Variants in DYSF observed in about 807,000 individuals in gnomAD.
DYSF encodes the protein dystrophy-associated fer-1-like 1.
In DYSF, 212 loss-of-function variants were observed where a neutral mutation model predicts 274.9. That is an observed-to-expected ratio of 0.77 (90% CI 0.69 to 0.86). The LOEUF (loss-of-function observed/expected upper bound fraction) is 0.86, where lower values mean the gene tolerates loss of function less well. Ranked by LOEUF, DYSF falls within the 40% of genes least tolerant of loss-of-function variation. DYSF has a pLI of 0.00. For missense variants in DYSF, 2,666 were observed against 2,783.2 expected, an observed-to-expected ratio of 0.96 and a Z score of 0.95; for synonymous variants, 1,091 against 1,078.7, an observed-to-expected ratio of 1.01 and a Z score of -0.22.
At chr2:71,529,569 G>A (rs77120418) in intron 14 of DYSF, among the ~76,000 whole-genome samples, 249 of 152,346 alleles carry the variant, frequency 1.6e-3, no homozygotes, top group African/African-American at 5.8e-3. Flanking sequence ...CATAATGTCA[G>A]GTTGTCCCAT....
intron 24 of DYSF, among the ~76,000 whole-genome samples, chr2:71,565,246 C>CTTT (rs796705736): frequency 5.5e-4 from 72 of 131,338 alleles, no homozygotes; most frequent in African/African-American, 2.0e-3. Flanking sequence ...CCACCCAGCT[C>CTTT]TTTTTTTTTT....
chr2:71,599,692 C>T (rs903649925), intron 33 of DYSF, among the ~76,000 whole-genome samples: 3 of 152,194 alleles, frequency 2.0e-5, no homozygotes, highest in Non-Finnish European at 4.4e-5. Context: ...TAAAGAGGCC[C>T]GGCCTGCGCT....
rs780129376 is a variant in DYSF, at chr2:71,567,990, C to T, written c.2605C>T (p.Gln869Ter). The change falls in exon 25 of 56, where the codon CAG becomes TAG. Residue 869 changes from glutamine (Q) to a stop codon, truncating the protein, a stop_gained. Coordinates refer to ENST00000410020, the MANE Select transcript of DYSF (RefSeq NM_001130987.2). LOFTEE classifies it high-confidence loss of function. ...EKVPGARMPV[Q>*]IRVKLWFGLS... Reference sequence around the variant, plus strand: ...GGTGCCTGGCGCCCGGATGCCAGTGCAGATACGGGTCAAGCTGTGGTTTGG... The same window carrying T: ...GGTGCCTGGCGCCCGGATGCCAGTGTAGATACGGGTCAAGCTGTGGTTTGG... The T allele has an allele frequency of 6.2e-7, 1 of 1,614,114 alleles. No homozygotes were observed. The highest frequency in any genetic ancestry group is 8.5e-7 in the Non-Finnish European group (1 of 1,180,022).
chr2:71,610,508 T>C (rs925918329), intron 36 of DYSF, among the ~76,000 whole-genome samples: 10 of 152,208 alleles, frequency 6.6e-5, no homozygotes, highest in African/African-American at 2.4e-4. Flanking sequence ...TGCTTCCTCA[T>C]GTAGTTCTTT....
At chr2:71,623,886 T>C (rs1454055182) in intron 41 of DYSF, among the ~76,000 whole-genome samples, 1 of 151,960 alleles carries the variant, frequency 6.6e-6, no homozygotes, top group Non-Finnish European at 1.5e-5. Context: ...CTGGGCAGCA[T>C]AGTGAAACCC....
At chr2:71,535,358 GC>G (rs779018752) in intron 16 of DYSF, 47 bp downstream of exon 16, 1 of 1,560,460 alleles carries the variant, frequency 6.4e-7, no homozygotes, top group South Asian at 1.1e-5. Flanking sequence ...TCCTGAGGGG[GC>G]GCTGGGTCCC....
At chr2:71,662,040 CAG>C (rs1262744079) in intron 45 of DYSF, among the ~76,000 whole-genome samples, 1 of 152,114 alleles carries the variant, frequency 6.6e-6, no homozygotes, top group Non-Finnish European at 1.5e-5. Context: ...TGTCAGGACT[CAG>C]GGGAGATAGG....
chr2:71,682,714 T>G (rs2095311091), intron 55 of DYSF, 37 bp downstream of exon 55: 1 of 1,597,426 alleles, frequency 6.3e-7, no homozygotes, highest in Non-Finnish European at 8.5e-7. Context: ...GGGGGAACTC[T>G]GGGTCTAATG....
At chr2:71,660,480 T>A (rs1248549319) in intron 44 of DYSF, 80 bp from the exon 45 acceptor site, 1 of 1,252,160 alleles carries the variant, frequency 8.0e-7, no homozygotes, top group African/African-American at 1.5e-5. Context: ...CCTCATCCCA[T>A]CCAGAGGCAA....
chr2:71,472,249 T>C (rs571512678), intron 1 of DYSF, among the ~76,000 whole-genome samples: 12 of 152,344 alleles, frequency 7.9e-5, no homozygotes, highest in Admixed American at 2.0e-4. Context: ...GATGAATTGC[T>C]ATGTCAGAGG....
chr2:71,635,401 T>G (rs1202661023), intron 41 of DYSF, among the ~76,000 whole-genome samples: 1 of 152,186 alleles, frequency 6.6e-6, no homozygotes, highest in African/African-American at 2.4e-5. Context: ...TTGACAGAAC[T>G]GCAATTATGT....
At chr2:71,527,462 A>C (rs1198706301) in intron 13 of DYSF, among the ~76,000 whole-genome samples, 2 of 152,214 alleles carry the variant, frequency 1.3e-5, no homozygotes, top group Non-Finnish European at 2.9e-5. Flanking sequence ...CATGCTTAAA[A>C]ATATTCTGCA....
At chr2:71,622,443 C>A (rs2094128546) in intron 41 of DYSF, among the ~76,000 whole-genome samples, 1 of 152,154 alleles carries the variant, frequency 6.6e-6, no homozygotes, top group Non-Finnish European at 1.5e-5. Flanking sequence ...AGTAATGCCT[C>A]ATTCCTTTTT....
chr2:71,497,058 T>G (rs72827512), intron 3 of DYSF, among the ~76,000 whole-genome samples: 2 of 152,192 alleles, frequency 1.3e-5, no homozygotes, highest in Non-Finnish European at 2.9e-5. Flanking sequence ...TGGACTGAAC[T>G]AATAACAGTA....
chr2:71,652,798 C>T (rs1365749908), intron 42 of DYSF, among the ~76,000 whole-genome samples: 3 of 152,012 alleles, frequency 2.0e-5, no homozygotes, highest in Non-Finnish European at 4.4e-5. Context: ...ACGCACAGAT[C>T]AATAGAGCAG....
chr2:71,570,374 A>G, intron 28 of DYSF, 40 bp downstream of exon 28: 2 of 1,594,354 alleles, frequency 1.3e-6, no homozygotes, highest in Admixed American at 1.7e-5. Context: ...CATCCCCGGC[A>G]AGCTCTCAAG....
chr2:71,458,367 G>A (rs1268435040), intron 1 of DYSF, among the ~76,000 whole-genome samples: 1 of 151,992 alleles, frequency 6.6e-6, no homozygotes, highest in Admixed American at 6.6e-5. Flanking sequence ...TTTTTGCTTG[G>A]TGAATTCTAT....
At chr2:71,643,944 T>A (rs1572921128) in intron 41 of DYSF, 21 bp from the exon 42 acceptor site, 3 of 1,585,980 alleles carry the variant, frequency 1.9e-6, no homozygotes, top group East Asian at 2.2e-5. Context: ...TGAAATGGTC[T>A]CTTTCTTTCT....
At chr2:71,668,122 G>C (rs1033636495) in intron 48 of DYSF, among the ~76,000 whole-genome samples, 1 of 152,068 alleles carries the variant, frequency 6.6e-6, no homozygotes, top group East Asian at 1.9e-4. Context: ...CAAAGAGAAA[G>C]GCCAAAGTGA....
Sources: allele counts gnomAD v4.1 joint callset (sites outside exome capture counted in the v4.1 genomes callset), GRCh38; gene constraint gnomAD v4.1.1; transcripts MANE v1.5; gene names NCBI Gene and HGNC (gene_info 2026-07-23, HGNC 2026-07-21).